C20orf96: variants seen among roughly 807,000 people sequenced by gnomAD.
C20orf96 encodes uncharacterized protein C20orf96.
In C20orf96, 57 loss-of-function variants were observed where a neutral mutation model predicts 52.6. The observed-to-expected ratio is 1.08, with a 90% CI of 0.88 to 1.35. C20orf96 has a LOEUF of 1.35. Among genes scored for constraint, C20orf96 ranks in the 40% most tolerant of loss-of-function variants. The probability of loss-of-function intolerance (pLI) is 0.00; values close to 1 mark genes in which losing one functional copy is unlikely to be tolerated. For missense variants in C20orf96, 478 were observed against 443.6 expected, an observed-to-expected ratio of 1.08 and a Z score of -0.70; for synonymous variants, 168 against 157.2, an observed-to-expected ratio of 1.07 and a Z score of -0.51.
At chr20:279,432 C>A in intron 4 of C20orf96, 102 bp from the exon 5 acceptor site, 1 of 1,278,138 alleles carries the variant, frequency 7.8e-7, no homozygotes, top group Non-Finnish European at 1.0e-6. Flanking sequence ...AGACGCCCGC[C>A]CCCGTGCGGC....
At position 275,954 on chromosome 20, in the gene C20orf96, A is replaced by C; in HGVS notation, c.1031+14T>G. 6.2e-7 allele frequency: 1 copy of C among 1,612,460 alleles called. No homozygotes were observed. ...GTGACTGGTTTAAGAGGCAGTGGCAAAAAGATCACATACTTGGGTCTCCGA... is the reference window on the plus strand; with the variant it reads ...GTGACTGGTTTAAGAGGCAGTGGCACAAAGATCACATACTTGGGTCTCCGA... On this transcript the variant is annotated intron_variant, in intron 10 of 10. Transcript: ENST00000360321.
chr20:290,391 C>T (rs901942764), intron 1 of C20orf96, 84 bp from the exon 2 acceptor site: 1 of 1,574,032 alleles, frequency 6.4e-7, no homozygotes, highest in African/African-American at 1.4e-5. Context: ...GGATTGGAGT[C>T]TCGAACCAGA....
chr20:289,405 T>A (rs574382605), intron 3 of C20orf96, among the ~76,000 whole-genome samples, 154 bp downstream of exon 3: 1 of 152,308 alleles, frequency 6.6e-6, no homozygotes, highest in African/African-American at 2.4e-5. Context: ...GTGGCATAAA[T>A]GAGATATAAA....
At chr20:272,741 C>T (rs2011882409) in intron 10 of C20orf96, among the ~76,000 whole-genome samples, 1 of 152,312 alleles carries the variant, frequency 6.6e-6, no homozygotes, top group African/African-American at 2.4e-5. Context: ...ATCACCACCA[C>T]CCCATTATAA....
At chr20:288,783 C>T (rs565070695) in intron 3 of C20orf96, among the ~76,000 whole-genome samples, 1 of 152,306 alleles carries the variant, frequency 6.6e-6, no homozygotes, top group African/African-American at 2.4e-5. Flanking sequence ...TAGATGTATA[C>T]ATAAGTATGC....
intron 3 of C20orf96, among the ~76,000 whole-genome samples, chr20:288,187 T>C (rs866439858): frequency 6.9e-6 from 1 of 144,310 alleles, no homozygotes; most frequent in Non-Finnish European, 1.5e-5. Flanking sequence ...TTTTTTTTTT[T>C]TTTTTTTTTT....
chr20:271,230 C>G lies in C20orf96; in HGVS notation c.1069G>C (p.Val357Leu). ...PDMDVILNIP[V>L]EEPLPF Reference sequence around the variant, plus strand: ...ATCTAGAAGGGTAGTGGCTCTTCCACAGGAATGTTGAGGATGACATCCATG... The same window carrying G: ...ATCTAGAAGGGTAGTGGCTCTTCCAGAGGAATGTTGAGGATGACATCCATG... The change falls in exon 11 of 11, where the codon GTG becomes CTG. Residue 357 changes from valine (V) to leucine (L), a missense_variant. Val to Leu is a conservative substitution (Grantham distance 32). Transcript: ENST00000360321. 6.4e-7 allele frequency: 1 copy of G among 1,556,294 alleles called. No homozygotes were observed. The highest frequency in any genetic ancestry group is 8.7e-7 in the Non-Finnish European group (1 of 1,149,524).
intron 4 of C20orf96, among the ~76,000 whole-genome samples, chr20:281,596 A>G (rs1299815829): frequency 6.6e-6 from 1 of 152,226 alleles, no homozygotes; most frequent in Non-Finnish European, 1.5e-5. Flanking sequence ...CATGTGGCTG[A>G]TACTGTACTA....
Position 276,495 on chromosome 20 carries a change from A to G in C20orf96, c.912+298T>C, listed in dbSNP as rs73572416. On this transcript the variant is annotated intron_variant, in intron 9 of 10. Coordinates refer to ENST00000360321, the MANE Select transcript of C20orf96 (RefSeq NM_153269.3). Reference sequence around the variant, plus strand: ...ATAATGGGTGGTGGGCAGTAACAAGAATCAAGGGGTAAAGATGCACGGTGG... The same window carrying G: ...ATAATGGGTGGTGGGCAGTAACAAGGATCAAGGGGTAAAGATGCACGGTGG... 65 of 985,442 alleles carry G rather than the reference A, an allele frequency of 6.6e-5. No individual in the cohort carries two copies. The African/African-American group carries it at 1.1e-3, about 17-fold the overall frequency. 61.0% of individuals were successfully genotyped at this position (985,442 alleles called of 1,614,324 possible). A position where few individuals can be genotyped will look rare whatever the true frequency, so the allele number is the denominator to read the frequency against.
Position 279,285 on chromosome 20 carries a change from G to C in C20orf96, c.352C>G (p.Arg118Gly). ...GRAALRELRSRENFLSKLNRE... is the reference protein window; with the variant it reads ...GRAALRELRSGENFLSKLNRE... ...TTGAGCTTGCTGAGGAAGTTCTCAC[G>C]GCTTCGGAGCTCTCGCAGAGCGGCC... Residue 118 changes from arginine (R) to glycine (G), a missense_variant, in exon 5 of 11, where the codon CGT (arginine) becomes GGT (glycine). Coordinates refer to ENST00000360321, the MANE Select transcript of C20orf96 (RefSeq NM_153269.3). 1 of 1,609,928 alleles carries C rather than the reference G, an allele frequency of 6.2e-7. No homozygotes were observed. Among genetic ancestry groups the C allele is most frequent in the South Asian group, 1.1e-5 (1 of 91,060 alleles).
chr20:284,716 A>G (rs1028770415), intron 3 of C20orf96, among the ~76,000 whole-genome samples: 2 of 152,134 alleles, frequency 1.3e-5, no homozygotes, highest in South Asian at 4.1e-4. Flanking sequence ...AATGAGATGG[A>G]CATGATGATG....
Position 279,200 on chromosome 20 carries a change from G to A in C20orf96, c.437C>T (p.Ala146Val). 1.9e-6 allele frequency: 3 copies of A among 1,604,968 alleles called. No homozygotes were observed. Among genetic ancestry groups the A allele is most frequent in the African/African-American group, 2.7e-5 (2 of 74,220 alleles). Reference protein sequence around the residue: ...MENSTTLHVRALLQQQDTLAT... With the variant: ...MENSTTLHVRVLLQQQDTLAT... Reference sequence around the variant, plus strand: ...CAGGGTGTCCTGCTGCTGCAGCAGGGCCCGCACGTGCAGGGTCGTGCTGTT... The same window carrying A: ...CAGGGTGTCCTGCTGCTGCAGCAGGACCCGCACGTGCAGGGTCGTGCTGTT... Residue 146 changes from alanine to valine, a missense_variant, in exon 5 of 11, where the codon GCC becomes GTC. Coordinates refer to ENST00000360321, the MANE Select transcript of C20orf96 (RefSeq NM_153269.3).
At chr20:290,513 G>T (rs1437334704) in intron 1 of C20orf96, 78 bp downstream of exon 1, 95 of 1,581,486 alleles carry the variant, frequency 6.0e-5, no homozygotes, top group Non-Finnish European at 8.2e-5. Flanking sequence ...AGGCGAGGGC[G>T]GGACAGCGGC....
At chr20:289,321 A>C (rs1166029563) in intron 3 of C20orf96, among the ~76,000 whole-genome samples, 1 of 152,206 alleles carries the variant, frequency 6.6e-6, no homozygotes, top group Non-Finnish European at 1.5e-5. Flanking sequence ...CAGACCCACA[A>C]GGTCAAAGGA....
chr20:279,162 C>G lies in C20orf96; in HGVS notation c.465+10G>C. 1 of 1,570,548 alleles carries G rather than the reference C, an allele frequency of 6.4e-7. No individual in the cohort carries two copies. Among genetic ancestry groups the G allele is most frequent in the Non-Finnish European group, 8.6e-7 (1 of 1,165,114 alleles). ...AGGGACGGAGGGCGGGCGGATGCCG[C>G]GGGTCTCACCGCCAGGGTGTCCTGC... On this transcript the variant is annotated intron_variant, in intron 5 of 10. Transcript: ENST00000360321.
At chr20:279,460 G>C (rs1281442588) in intron 4 of C20orf96, 130 bp from the exon 5 acceptor site, 4 of 1,057,294 alleles carry the variant, frequency 3.8e-6, no homozygotes, top group Non-Finnish European at 5.1e-6. Context: ...TGGTAAACGC[G>C]GCCCAAGCTG....
At chr20:279,723 G>T (rs2012200032) in intron 4 of C20orf96, among the ~76,000 whole-genome samples, 1 of 152,168 alleles carries the variant, frequency 6.6e-6, no homozygotes, top group African/African-American at 2.4e-5. Flanking sequence ...TATAATCCCA[G>T]CACTTTGGGA....
intron 10 of C20orf96, among the ~76,000 whole-genome samples, chr20:274,654 G>A (rs1023037364): frequency 6.6e-6 from 1 of 151,908 alleles, no homozygotes; most frequent in Non-Finnish European, 1.5e-5. Context: ...TGGCACCACC[G>A]CCTAGAATTG....
chr20:276,561 GGGTCATTAGCCAGCATTGCTGGCTAATGA>G (rs1306184244), intron 9 of C20orf96: 15 of 985,436 alleles, frequency 1.5e-5, no homozygotes, highest in Non-Finnish European at 1.8e-5. Context: ...GGTTGTAAAT[GGGTCATTAGCCAGCATTGCTGGCTAATGA>G]GGCAAGGCCT....
Sources: allele counts gnomAD v4.1 joint callset (sites outside exome capture counted in the v4.1 genomes callset), GRCh38; gene constraint gnomAD v4.1.1; transcripts MANE v1.5; gene names NCBI Gene and HGNC (gene_info 2026-07-23, HGNC 2026-07-21).